Variants in BCL2 observed in about 807,000 individuals in gnomAD.
BCL2 encodes the protein apoptosis regulator Bcl-2.
In BCL2, 1 loss-of-function variant was observed where a neutral mutation model predicts 14.2. The ratio of observed to expected loss-of-function variants is 0.07; its 90% CI spans 0.02 to 0.33. The LOEUF (loss-of-function observed/expected upper bound fraction) is 0.33, where lower values mean the gene tolerates loss of function less well. Ranked by LOEUF, BCL2 falls within the 10% of genes least tolerant of loss-of-function variation. The pLI, the probability that BCL2 is intolerant of heterozygous loss-of-function variation, is 0.99. For synonymous variants in BCL2, 151 were observed against 137.2 expected (o/e 1.10, Z -0.70); for missense variants, 247 against 305.9 (o/e 0.81, Z 1.44).
intron 2 of BCL2, among the ~76,000 whole-genome samples, chr18:63,255,860 C>CAA (rs1009944969): frequency 1.5e-5 from 2 of 137,398 alleles, no homozygotes; most frequent in African/African-American, 2.7e-5. Flanking sequence ...CATTTCTTAC[C>CAA]AAAAAAAAAA....
intron 2 of BCL2, among the ~76,000 whole-genome samples, chr18:63,286,184 G>C (rs1316339292): frequency 6.6e-6 from 1 of 152,208 alleles, no homozygotes; most frequent in Non-Finnish European, 1.5e-5. Flanking sequence ...ATTAAAATGA[G>C]AGCATAATGT....
At chr18:63,284,604 G>A (rs1362041133) in intron 2 of BCL2, among the ~76,000 whole-genome samples, 2 of 152,178 alleles carry the variant, frequency 1.3e-5, no homozygotes, top group Admixed American at 6.5e-5. Flanking sequence ...CCCAGCACTC[G>A]ACAGGGTACT....
intron 2 of BCL2, among the ~76,000 whole-genome samples, chr18:63,184,873 A>C (rs1255711838): frequency 1.3e-5 from 2 of 152,112 alleles, no homozygotes; most frequent in African/African-American, 4.8e-5. Flanking sequence ...TTGAATGTAG[A>C]CTGTAGACTC....
intron 2 of BCL2, among the ~76,000 whole-genome samples, chr18:63,277,176 T>G (rs1446013753): frequency 1.3e-5 from 2 of 152,182 alleles, no homozygotes; most frequent in African/African-American, 4.8e-5. Context: ...CCTTCCTCTG[T>G]CCCTGACTCT....
At chr18:63,230,544 T>C (rs1599258587) in intron 2 of BCL2, among the ~76,000 whole-genome samples, 1 of 152,068 alleles carries the variant, frequency 6.6e-6, no homozygotes, top group East Asian at 1.9e-4. Flanking sequence ...TAGAGGCTGA[T>C]TCTTTAAAAA....
rs542844138 is a variant in BCL2, at chr18:63,223,898, A to G, written c.585+94184T>C. ...ATCAGGACTGCCCGACATGCAAGGAAAGTCTCTACAGGAAAGACAGAGTTC... is the reference window on the plus strand; with the variant it reads ...ATCAGGACTGCCCGACATGCAAGGAGAGTCTCTACAGGAAAGACAGAGTTC... On this transcript the variant is annotated intron_variant, in intron 2 of 2. Coordinates refer to ENST00000333681, the MANE Select transcript of BCL2 (RefSeq NM_000633.3). Among the ~76,000 whole-genome samples, 11 of 152,358 alleles carry G rather than the reference A, an allele frequency of 7.2e-5. No individual in the cohort carries two copies. In the East Asian group the frequency reaches 1.9e-3, roughly 27 times the overall value.
chr18:63,132,466 T>C (rs1235000424), intron 2 of BCL2, among the ~76,000 whole-genome samples: 1 of 152,204 alleles, frequency 6.6e-6, no homozygotes, highest in Non-Finnish European at 1.5e-5. Context: ...TAGTCCGTAA[T>C]TTCTATAGGA....
In BCL2 at chr18:63,128,371, A is replaced by T. The variant is rs779804119; in HGVS notation, c.*254T>A. 8 of 365,904 alleles carry T rather than the reference A, an allele frequency of 2.2e-5. No homozygotes were observed. Among genetic ancestry groups the T allele is most frequent in the Non-Finnish European group, 3.5e-5 (7 of 202,290 alleles). The allele number at this position is 365,904 out of a possible 1,614,324, so 22.7% of individuals were successfully genotyped here. A position where few individuals can be genotyped will look rare whatever the true frequency, so the allele number is the denominator to read the frequency against. On this transcript the variant is annotated 3_prime_UTR_variant, in exon 3 of 3. Coordinates refer to ENST00000333681, the MANE Select transcript of BCL2 (RefSeq NM_000633.3). ...TTGATGGGACTGTCTTAAATAAATA[A>T]ATCTTTTTTTCTTAATAATGTAAAA...
In BCL2 at chr18:63,318,085, G is replaced by A. The variant is rs2144320980; in HGVS notation, c.582C>T (p.Gly194=). The change falls in exon 2 of 3, where the codon GGC becomes GGT. Residue 194 remains glycine, a synonymous_variant. Transcript: ENST00000333681. The surrounding 1 kb of genome is among the most constrained non-coding windows in gnomAD (Gnocchi z 7.4). ...HLHTWIQDNG[G]WDAFVELYGP... ...TCACATCACCAAGTGCACCTACCCA[G>A]CCTCCGTTATCCTGGATCCAGGTGT... 6.2e-7 allele frequency: 1 copy of A among 1,613,852 alleles called. No individual in the cohort carries two copies. Among genetic ancestry groups the A allele is most frequent in the African/African-American group, 1.3e-5 (1 of 75,002 alleles).
intron 2 of BCL2, among the ~76,000 whole-genome samples, chr18:63,223,210 G>A (rs1036478223): frequency 1.3e-5 from 2 of 152,018 alleles, no homozygotes; most frequent in Non-Finnish European, 2.9e-5. Context: ...GACCATCCTG[G>A]CTAACAGGTG....
intron 2 of BCL2, among the ~76,000 whole-genome samples, chr18:63,245,432 C>G (rs900999791): frequency 1.3e-5 from 2 of 152,222 alleles, no homozygotes; most frequent in South Asian, 4.1e-4. Context: ...TCCACCTTCT[C>G]TCACTGTAGA....
At chr18:63,307,663 G>A (rs1472928780) in intron 2 of BCL2, among the ~76,000 whole-genome samples, 4 of 152,200 alleles carry the variant, frequency 2.6e-5, no homozygotes. Flanking sequence ...CATTAAGAAG[G>A]AATCTGGCAG....
chr18:63,261,420 T>C (rs1463840308), intron 2 of BCL2, among the ~76,000 whole-genome samples: 1 of 152,140 alleles, frequency 6.6e-6, no homozygotes, highest in African/African-American at 2.4e-5. Flanking sequence ...GAACTAGATA[T>C]TCACTGAAGG....
Position 63,124,850 on chromosome 18 carries a change from C to T in BCL2, c.*3775G>A, listed in dbSNP as rs187334313. 2 of 227,774 alleles carry T rather than the reference C, an allele frequency of 8.8e-6. No individual in the cohort carries two copies. Among genetic ancestry groups the T allele is most frequent in the Admixed American group, 1.1e-4 (2 of 17,604 alleles). 14.1% of individuals were successfully genotyped at this position (227,774 alleles called of 1,614,324 possible). A position where few individuals can be genotyped will look rare whatever the true frequency, so the allele number is the denominator to read the frequency against. ...GAATGGCTTGTATTTCGAGCCTTTCCTGTTTTTCTCTGATAGAGTAGGTGT... is the reference window on the plus strand; with the variant it reads ...GAATGGCTTGTATTTCGAGCCTTTCTTGTTTTTCTCTGATAGAGTAGGTGT... On this transcript the variant is annotated 3_prime_UTR_variant, in exon 3 of 3. Transcript: ENST00000333681.
rs528581811 is a variant in BCL2 at position 63,151,494 on chromosome 18, C to T, written c.586-22735G>A. 2.7e-3 allele frequency among the ~76,000 whole-genome samples: 243 copies of T among 91,394 alleles called. 1 individual carries two copies. Among genetic ancestry groups the T allele is most frequent in the Admixed American group, 6.7e-3 (38 of 5,702 alleles). The allele number at this position is 91,394 out of a possible 152,430, so 60.0% of individuals were successfully genotyped here. Reference sequence around the variant, plus strand: ...AAGGGGGGCGATAATAGATGGGGGGCGATAACAGATGAGGGGCTGGGGGCG... The same window carrying T: ...AAGGGGGGCGATAATAGATGGGGGGTGATAACAGATGAGGGGCTGGGGGCG... On this transcript the variant is annotated intron_variant, in intron 2 of 2. Transcript: ENST00000333681.
At chr18:63,246,870 C>A (rs746454829) in intron 2 of BCL2, among the ~76,000 whole-genome samples, 1 of 152,146 alleles carries the variant, frequency 6.6e-6, no homozygotes, top group Non-Finnish European at 1.5e-5. Context: ...AAAGCCATGG[C>A]CCATTCTTAG....
At chr18:63,207,901 G>GA (rs113655685) in intron 2 of BCL2, 6 of 151,804 alleles carry the variant, frequency 4.0e-5, no homozygotes, top group Middle Eastern at 3.4e-3. Flanking sequence ...ACTGGCATGG[G>GA]AATACACTTT....
chr18:63,252,552 T>A (rs575717678), intron 2 of BCL2, among the ~76,000 whole-genome samples: 1 of 152,206 alleles, frequency 6.6e-6, no homozygotes, highest in African/African-American at 2.4e-5. Context: ...GTTCTCATGA[T>A]AATGAATGAG....
At chr18:63,284,285 A>G (rs988909575) in intron 2 of BCL2, among the ~76,000 whole-genome samples, 3 of 152,158 alleles carry the variant, frequency 2.0e-5, no homozygotes, top group Non-Finnish European at 4.4e-5. Context: ...ACTGACTGGG[A>G]GCGCATCATC....
Sources: allele counts gnomAD v4.1 joint callset (sites outside exome capture counted in the v4.1 genomes callset), GRCh38; gene constraint gnomAD v4.1.1; non-coding constraint Gnocchi (gnomAD v3.1); transcripts MANE v1.5; gene names NCBI Gene and HGNC (gene_info 2026-07-23, HGNC 2026-07-21).